COBL: variants seen among roughly 807,000 people sequenced by gnomAD.
The protein encoded by COBL is protein cordon-bleu.
In COBL, 51 loss-of-function variants were observed where a neutral mutation model predicts 98.8. The observed-to-expected ratio is 0.52, with a 90% CI of 0.41 to 0.65. COBL has a LOEUF of 0.65. Ranked by LOEUF, COBL falls within the 30% of genes least tolerant of loss-of-function variation. The pLI is 0.00. For missense variants in COBL, 1,617 were observed against 1,617.5 expected (o/e 1.00, Z 0.01); for synonymous variants, 634 against 651.7 (o/e 0.97, Z 0.41).
chr7:51,155,247 A>G (rs748398201), intron 5 of COBL, among the ~76,000 whole-genome samples: 1 of 152,156 alleles, frequency 6.6e-6, no homozygotes, highest in Non-Finnish European at 1.5e-5. Context: ...TGGGACATAA[A>G]ATATGCAATA....
chr7:51,132,900 G>A (rs918220613), intron 6 of COBL, among the ~76,000 whole-genome samples: 4 of 152,066 alleles, frequency 2.6e-5, no homozygotes, highest in Admixed American at 2.0e-4. Context: ...TCATCCCCAT[G>A]GGGATGGCAC....
chr7:51,184,030 G>T, intron 5 of COBL, 72 bp downstream of exon 5: 2 of 728,996 alleles, frequency 2.7e-6, no homozygotes, highest in Non-Finnish European at 4.4e-6. Flanking sequence ...TCCAGGACAG[G>T]TTGAATGCAT....
intron 1 of COBL, among the ~76,000 whole-genome samples, chr7:51,296,797 A>C (rs968498455): frequency 6.6e-6 from 1 of 152,220 alleles, no homozygotes; most frequent in Non-Finnish European, 1.5e-5. Flanking sequence ...AACCATGTGA[A>C]GTGCGTTACA....
intron 7 of COBL, chr7:51,083,272 G>C (rs1220421234): frequency 1.4e-6 from 2 of 1,414,832 alleles, no homozygotes; most frequent in East Asian, 5.2e-5. Flanking sequence ...GTTAAACCAA[G>C]CCGTCACTCA....
chr7:51,126,933 C>T (rs1463302138), intron 6 of COBL, among the ~76,000 whole-genome samples: 1 of 152,142 alleles, frequency 6.6e-6, no homozygotes, highest in Non-Finnish European at 1.5e-5. Flanking sequence ...CCTTAGCTGT[C>T]TGACATTGAG....
intron 6 of COBL, among the ~76,000 whole-genome samples, chr7:51,127,706 T>C (rs1377357617): frequency 6.6e-6 from 1 of 152,228 alleles, no homozygotes; most frequent in East Asian, 1.9e-4. Context: ...GAAACCTCCC[T>C]CTGGCCTGAA....
At chr7:51,164,553 G>T (rs1253311116) in intron 5 of COBL, among the ~76,000 whole-genome samples, 1 of 152,014 alleles carries the variant, frequency 6.6e-6, no homozygotes, top group Non-Finnish European at 1.5e-5. Flanking sequence ...GAGAAATAAA[G>T]ACTTCCCTCA....
chr7:51,075,983 G>A (rs1036114154), intron 7 of COBL, among the ~76,000 whole-genome samples: 1 of 152,060 alleles, frequency 6.6e-6, no homozygotes, highest in Non-Finnish European at 1.5e-5. Context: ...TTTATGAAAA[G>A]GCCCATTTGC....
intron 1 of COBL, among the ~76,000 whole-genome samples, chr7:51,234,009 T>G (rs1219323445): frequency 6.6e-6 from 1 of 152,216 alleles, no homozygotes; most frequent in Admixed American, 6.5e-5. Context: ...GATGAATTAT[T>G]CTACACTGAA....
chr7:51,312,699 G>A (rs1803173958), intron 1 of COBL, among the ~76,000 whole-genome samples: 1 of 152,034 alleles, frequency 6.6e-6, no homozygotes, highest in African/African-American at 2.4e-5. Flanking sequence ...GCATATACGT[G>A]GGGGCTGTCG....
intron 1 of COBL, among the ~76,000 whole-genome samples, chr7:51,244,559 C>T (rs1796117373): frequency 6.6e-6 from 1 of 152,158 alleles, no homozygotes; most frequent in African/African-American, 2.4e-5. Flanking sequence ...TCACACCAAA[C>T]CGATAGGGTC....
intron 1 of COBL, among the ~76,000 whole-genome samples, chr7:51,272,660 C>T (rs958636439): frequency 6.6e-6 from 1 of 152,106 alleles, no homozygotes; most frequent in African/African-American, 2.4e-5. Context: ...TGCGCTTGGA[C>T]CTCTAAAACA....
At chr7:51,137,907 T>A (rs546278204) in intron 5 of COBL, among the ~76,000 whole-genome samples, 1 of 152,166 alleles carries the variant, frequency 6.6e-6, no homozygotes, top group Non-Finnish European at 1.5e-5. Context: ...ATATTTAAAA[T>A]GAAGATATAA....
chr7:51,271,993 C>T (rs1337068808), intron 1 of COBL, among the ~76,000 whole-genome samples: 1 of 152,194 alleles, frequency 6.6e-6, no homozygotes, highest in Non-Finnish European at 1.5e-5. Context: ...CGTATCACTG[C>T]ACTCCAGTCT....
In COBL at chr7:51,246,702, G is replaced by A. The variant is rs556442912; in HGVS notation, c.42-26758C>T. ...TGTTTATGAAGAAAGAGTTATTGTG[G>A]TTGCAATTCCATGATGTCCTTGATT... On this transcript the variant is annotated intron_variant, in intron 1 of 12. Transcript: ENST00000265136. 7.2e-5 allele frequency among the ~76,000 whole-genome samples: 11 copies of A among 152,302 alleles called. No homozygotes were observed. In the South Asian group the frequency reaches 8.3e-4, roughly 11 times the overall value.
intron 1 of COBL, among the ~76,000 whole-genome samples, chr7:51,275,421 T>C (rs2129169556): frequency 6.6e-6 from 1 of 152,352 alleles, no homozygotes; most frequent in Non-Finnish European, 1.5e-5. Flanking sequence ...GGATTTGTTT[T>C]TGATTGCTGG....
At chr7:51,183,679 C>T (rs529221827) in intron 5 of COBL, among the ~76,000 whole-genome samples, 8 of 152,344 alleles carry the variant, frequency 5.3e-5, no homozygotes, top group African/African-American at 1.2e-4. Flanking sequence ...CTCTTCTCTG[C>T]CACGAGGCAT....
intron 1 of COBL, among the ~76,000 whole-genome samples, chr7:51,262,348 G>C (rs1287332162): frequency 6.6e-6 from 1 of 152,208 alleles, no homozygotes; most frequent in Non-Finnish European, 1.5e-5. Flanking sequence ...AGTGAGGAGG[G>C]AGACCCTGGC....
At chr7:51,147,672 G>T (rs2129017599) in intron 5 of COBL, among the ~76,000 whole-genome samples, 1 of 152,230 alleles carries the variant, frequency 6.6e-6, no homozygotes, top group East Asian at 1.9e-4. Flanking sequence ...ACGCCCGCTT[G>T]GACTAGTATA....
Sources: allele counts gnomAD v4.1 joint callset (sites outside exome capture counted in the v4.1 genomes callset), GRCh38; gene constraint gnomAD v4.1.1; transcripts MANE v1.5; gene names NCBI Gene and HGNC (gene_info 2026-07-23, HGNC 2026-07-21).